Variants in SH3GL3 observed in about 807,000 individuals in gnomAD.
The protein encoded by SH3GL3 is SH3 domain containing GRB2 like 3, endophilin A3, also known as endophilin-A3.
In SH3GL3, 33 loss-of-function variants were observed where a neutral mutation model predicts 47.7. The observed-to-expected ratio is 0.69, with a 90% CI of 0.52 to 0.92. SH3GL3 has a LOEUF of 0.92. Among genes scored for constraint, SH3GL3 ranks in the 40% least tolerant of loss-of-function variants. The probability of loss-of-function intolerance (pLI) is 0.00; values close to 1 mark genes in which losing one functional copy is unlikely to be tolerated. For synonymous variants in SH3GL3, 155 were observed against 148.8 expected, an observed-to-expected ratio of 1.04 and a Z score of -0.30; for missense variants, 363 against 417.8, an observed-to-expected ratio of 0.87 and a Z score of 1.14.
intron 1 of SH3GL3, among the ~76,000 whole-genome samples, chr15:83,556,043 A>G (rs981621239): frequency 2.0e-5 from 3 of 152,222 alleles, no homozygotes; most frequent in Non-Finnish European, 4.4e-5. Context: ...GAGCATAGGG[A>G]GTGCATCGGA....
intron 8 of SH3GL3, among the ~76,000 whole-genome samples, chr15:83,603,905 C>T (rs982438744): frequency 2.0e-5 from 3 of 152,290 alleles, no homozygotes; most frequent in East Asian, 1.9e-4. Context: ...GAGGCCGAGG[C>T]GGGTGGATCA....
chr15:83,581,305 C>T (rs1387689087), intron 6 of SH3GL3, among the ~76,000 whole-genome samples: 2 of 152,200 alleles, frequency 1.3e-5, no homozygotes, highest in African/African-American at 4.8e-5. Flanking sequence ...CTGTCCTCAC[C>T]TCTGCATTCT....
rs762317932 is a variant in SH3GL3, at chr15:83,576,670, C to A, written c.553C>A (p.Gln185Lys). ...TAAGATACCAGACGAAGAAGTCAGA[C>A]AAGCGGTAGAAAAATTTGAAGAGTC... ...VGKIPDEEVRQAVEKFEESKE... is the reference protein window; with the variant it reads ...VGKIPDEEVRKAVEKFEESKE... The change falls in exon 6 of 9, where the codon CAA becomes AAA. Residue 185 changes from glutamine to lysine, a missense_variant. Transcript: ENST00000427482. 2 of 1,613,496 alleles carry A rather than the reference C, an allele frequency of 1.2e-6. No homozygotes were observed. Among genetic ancestry groups the A allele is most frequent in the Non-Finnish European group, 1.7e-6 (2 of 1,179,596 alleles).
At chr15:83,477,529 A>G (rs545700501) in intron 1 of SH3GL3, among the ~76,000 whole-genome samples, 1 of 152,298 alleles carries the variant, frequency 6.6e-6, no homozygotes, top group Admixed American at 6.5e-5. Flanking sequence ...ATTGATCATC[A>G]TCATATTCTT....
chr15:83,461,976 T>C (rs2040322159), intron 1 of SH3GL3, among the ~76,000 whole-genome samples: 1 of 152,208 alleles, frequency 6.6e-6, no homozygotes, highest in African/African-American at 2.4e-5. Context: ...TGTTTTCAGG[T>C]TTTATTATAT....
intron 1 of SH3GL3, among the ~76,000 whole-genome samples, chr15:83,465,593 C>A (rs2040534815): frequency 6.6e-6 from 1 of 151,966 alleles, no homozygotes; most frequent in Admixed American, 6.6e-5. Context: ...TTGATCCTTG[C>A]AAAGTAGTTC....
chr15:83,568,046 G>A (rs890635195), intron 3 of SH3GL3, among the ~76,000 whole-genome samples: 4 of 149,384 alleles, frequency 2.7e-5, no homozygotes, highest in African/African-American at 7.4e-5. Flanking sequence ...GCAATGGCGC[G>A]ATCTTGGCTC....
intron 8 of SH3GL3, among the ~76,000 whole-genome samples, chr15:83,590,154 A>G (rs1347538343): frequency 6.6e-6 from 1 of 152,088 alleles, no homozygotes; most frequent in Non-Finnish European, 1.5e-5. Context: ...AGCTCTTTCC[A>G]TATGAGGATA....
chr15:83,525,351 C>CGTGCGT (rs1555488735), intron 1 of SH3GL3, among the ~76,000 whole-genome samples: 7 of 148,104 alleles, frequency 4.7e-5, no homozygotes, highest in Admixed American at 1.3e-4. Context: ...ATTCTTTGTG[C>CGTGCGT]GTGTGTGTGT....
intron 1 of SH3GL3, among the ~76,000 whole-genome samples, chr15:83,518,152 G>C (rs1008001974): frequency 3.9e-5 from 6 of 152,260 alleles, no homozygotes; most frequent in African/African-American, 1.4e-4. Flanking sequence ...GTCCACTGTC[G>C]ATGTGAACCT....
chr15:83,457,741 T>C (rs2040067997), intron 1 of SH3GL3, among the ~76,000 whole-genome samples: 1 of 152,242 alleles, frequency 6.6e-6, no homozygotes, highest in Non-Finnish European at 1.5e-5. Context: ...ATAGATTGCT[T>C]GATAAACTAA....
At chr15:83,579,971 G>A (rs8025427) in intron 6 of SH3GL3, among the ~76,000 whole-genome samples, 56,882 of 152,028 alleles carry the variant, frequency 0.37, 11,201 homozygotes, top group Non-Finnish European at 0.43. Flanking sequence ...ATACTGCCTG[G>A]TGCTTGGGGA....
At chr15:83,543,446 TTTTG>T (rs964759728) in intron 1 of SH3GL3, among the ~76,000 whole-genome samples, 7 of 152,068 alleles carry the variant, frequency 4.6e-5, no homozygotes, top group African/African-American at 7.2e-5. Flanking sequence ...TTTGTTGTTG[TTTTG>T]TTTGTTTGTT....
Position 83,495,100 on chromosome 15 carries a change from C to T in SH3GL3, c.45+47522C>T, listed in dbSNP as rs116379847. Among the ~76,000 whole-genome samples the T allele has an allele frequency of 1.8e-3, 267 of 152,214 alleles. 1 individual carries two copies. Among genetic ancestry groups the T allele is most frequent in the African/African-American group, 6.3e-3 (260 of 41,516 alleles). ...GTTCCTGGTCTTGCTGTGGTCCCCC[C>T]GGTTCTGTCTGATGCTGGTGTGGCA... On this transcript the variant is annotated intron_variant, in intron 1 of 8. Coordinates refer to ENST00000427482, the MANE Select transcript of SH3GL3 (RefSeq NM_003027.5).
chr15:83,583,191 G>T (rs755688748), intron 6 of SH3GL3, among the ~76,000 whole-genome samples: 1 of 152,176 alleles, frequency 6.6e-6, no homozygotes, highest in African/African-American at 2.4e-5. Context: ...CACACTTGCA[G>T]ACCCCAGGCG....
intron 8 of SH3GL3, among the ~76,000 whole-genome samples, chr15:83,606,516 C>T (rs1041629762): frequency 2.2e-4 from 33 of 152,278 alleles, no homozygotes; most frequent in African/African-American, 6.5e-4. Context: ...GGTGATTGTT[C>T]GGTCAGCAGG....
At chr15:83,624,613 G>C in the SH3GL3 span, among the ~76,000 whole-genome samples, 1 of 152,194 alleles carries the variant, frequency 6.6e-6, no homozygotes, top group Non-Finnish European at 1.5e-5. Context: ...AGTGTTTTAA[G>C]ATGCTGAATT....
At chr15:83,611,006 A>C (rs2060647796) in intron 8 of SH3GL3, among the ~76,000 whole-genome samples, 1 of 150,066 alleles carries the variant, frequency 6.7e-6, no homozygotes. Context: ...TATAATATGT[A>C]TGTGTGTGTG....
chr15:83,477,237 C>A (rs1450510648), intron 1 of SH3GL3, among the ~76,000 whole-genome samples: 2 of 152,160 alleles, frequency 1.3e-5, no homozygotes, highest in Non-Finnish European at 2.9e-5. Context: ...ATTGTAATTT[C>A]TCACCAGGGA....
Sources: gnomAD v4.1 joint callset for allele counts (sites outside exome capture counted in the v4.1 genomes callset) on GRCh38, gnomAD v4.1.1 for gene constraint, MANE v1.5 for transcripts, NCBI Gene and HGNC (gene_info 2026-07-23, HGNC 2026-07-21) for gene names.